The following HCRTR2 variants were observed in gnomAD, a reference collection of about 807,000 sequenced individuals.
HCRTR2 encodes the protein hypocretin receptor 2.
Under a neutral mutation model 49.0 loss-of-function variants are expected in HCRTR2, and 22 were observed. The ratio of observed to expected loss-of-function variants is 0.45; its 90% CI spans 0.32 to 0.64. The LOEUF (loss-of-function observed/expected upper bound fraction) is 0.64. HCRTR2 is among the 30% of genes least tolerant of loss of function. The probability of loss-of-function intolerance (pLI) is 0.04; values close to 1 mark genes in which losing one functional copy is unlikely to be tolerated. For synonymous variants in HCRTR2, 236 were observed against 205.3 expected (o/e 1.15, Z -1.28); for missense variants, 491 against 559.4 (o/e 0.88, Z 1.23).
intron 1 of HCRTR2, among the ~76,000 whole-genome samples, chr6:55,150,845 C>A (rs74750751): frequency 6.6e-6 from 1 of 151,858 alleles, no homozygotes; most frequent in Non-Finnish European, 1.5e-5. Context: ...TCCTTTGTCC[C>A]TGTACACTTT....
chr6:55,157,862 A>G (rs1764751269), intron 1 of HCRTR2, among the ~76,000 whole-genome samples: 2 of 152,236 alleles, frequency 1.3e-5, no homozygotes, highest in African/African-American at 4.8e-5. Context: ...CTTAGATTAT[A>G]ACACTCAAGT....
intron 1 of HCRTR2, among the ~76,000 whole-genome samples, chr6:55,214,335 C>T (rs1298598983): frequency 6.6e-6 from 1 of 151,988 alleles, no homozygotes; most frequent in Non-Finnish European, 1.5e-5. Context: ...GTTTGTTTTA[C>T]ATTTTTATTT....
chr6:55,279,120 A>T (rs1767137329), intron 5 of HCRTR2, among the ~76,000 whole-genome samples: 1 of 152,026 alleles, frequency 6.6e-6, no homozygotes, highest in Admixed American at 6.6e-5. Context: ...GTTTTGGGGC[A>T]TTCTACTCTT....
At chr6:55,161,421 G>C (rs1764803873) in intron 1 of HCRTR2, among the ~76,000 whole-genome samples, 1 of 151,858 alleles carries the variant, frequency 6.6e-6, no homozygotes, top group African/African-American at 2.4e-5. Flanking sequence ...ACAATGAAAA[G>C]AACTAGAGAA....
intron 1 of HCRTR2, among the ~76,000 whole-genome samples, chr6:55,158,705 G>A (rs898228679): frequency 6.6e-6 from 1 of 152,218 alleles, no homozygotes; most frequent in African/African-American, 2.4e-5. Flanking sequence ...TAAAGTAGGT[G>A]GAGCCCACGA....
intron 1 of HCRTR2, among the ~76,000 whole-genome samples, chr6:55,181,419 C>A (rs574125552): frequency 1.3e-5 from 2 of 152,010 alleles, no homozygotes; most frequent in Admixed American, 1.3e-4. Context: ...CTTTCATAAA[C>A]AAAAAACAAA....
intron 1 of HCRTR2, among the ~76,000 whole-genome samples, chr6:55,162,957 G>C (rs1012479988): frequency 6.6e-6 from 1 of 152,114 alleles, no homozygotes; most frequent in Non-Finnish European, 1.5e-5. Context: ...CACAGAATTA[G>C]TAAAAAACTG....
At chr6:55,174,898 C>G (rs762698067) in intron 1 of HCRTR2, 88 bp downstream of exon 1, 51 of 987,420 alleles carry the variant, frequency 5.2e-5, no homozygotes, top group Non-Finnish European at 8.0e-5. Flanking sequence ...CCCTCCCTCC[C>G]CCGGGAAGCA....
intron 1 of HCRTR2, among the ~76,000 whole-genome samples, chr6:55,154,687 A>C (rs13216066): frequency 0.17 from 24,277 of 146,914 alleles, 2,412 homozygotes; most frequent in Non-Finnish European, 0.23. Context: ...AAAATAAATA[A>C]ATAAATAAAT....
At chr6:55,280,516 CTA>C in intron 6 of HCRTR2, 72 bp downstream of exon 6, 2 of 1,592,674 alleles carry the variant, frequency 1.3e-6, no homozygotes, top group Non-Finnish European at 1.7e-6. Flanking sequence ...CACTCTTCAA[CTA>C]TATGAGGAGT....
chr6:55,194,533 A>C (rs913841757), intron 1 of HCRTR2, among the ~76,000 whole-genome samples: 6 of 152,150 alleles, frequency 3.9e-5, no homozygotes, highest in African/African-American at 1.4e-4. Context: ...CAAATAATAA[A>C]ATATGTCTGA....
chr6:55,214,082 G>A (rs1365884799), intron 1 of HCRTR2, among the ~76,000 whole-genome samples: 2 of 152,160 alleles, frequency 1.3e-5, no homozygotes, highest in South Asian at 2.1e-4. Flanking sequence ...AGAGAGCTAG[G>A]CAACTTTCAG....
intron 1 of HCRTR2, among the ~76,000 whole-genome samples, chr6:55,133,704 T>TCTA (rs1273742074): frequency 1.0e-4 from 14 of 140,556 alleles, no homozygotes; most frequent in South Asian, 4.2e-4. Context: ...TATCTATCTA[T>TCTA]ATCTCCATCT....
At chr6:55,110,574 C>T (rs1277304681) in intron 1 of HCRTR2, among the ~76,000 whole-genome samples, 1 of 151,568 alleles carries the variant, frequency 6.6e-6, no homozygotes, top group Non-Finnish European at 1.5e-5. Flanking sequence ...GTAGGAGTAG[C>T]TATTCTTATA....
chr6:55,220,524 C>T (rs1489518689), intron 1 of HCRTR2, among the ~76,000 whole-genome samples: 2 of 152,020 alleles, frequency 1.3e-5, no homozygotes, highest in Non-Finnish European at 2.9e-5. Context: ...AATAAAAATA[C>T]TCAACAAACT....
At chr6:55,208,331 A>AT (rs1765640046) in intron 1 of HCRTR2, among the ~76,000 whole-genome samples, 1 of 149,004 alleles carries the variant, frequency 6.7e-6, no homozygotes, top group African/African-American at 2.5e-5. Context: ...AAAAAATAAA[A>AT]AAAAAAAAAA....
intron 1 of HCRTR2, among the ~76,000 whole-genome samples, chr6:55,126,227 G>GC (rs1376717858): frequency 2.6e-5 from 4 of 152,176 alleles, no homozygotes; most frequent in East Asian, 3.9e-4. Context: ...AGCCTTTTTT[G>GC]CACTGGTTTC....
chr6:55,270,659 G>A (rs1343853724), intron 4 of HCRTR2, among the ~76,000 whole-genome samples: 1 of 152,126 alleles, frequency 6.6e-6, no homozygotes, highest in African/African-American at 2.4e-5. Flanking sequence ...TATTAAAAAT[G>A]TTATATAAAT....
chr6:55,227,548 G>T (rs1316515195), intron 1 of HCRTR2, among the ~76,000 whole-genome samples: 1 of 152,166 alleles, frequency 6.6e-6, no homozygotes, highest in Non-Finnish European at 1.5e-5. Flanking sequence ...CTGCATTAAA[G>T]ATTATTCCTG....
Sources: gnomAD v4.1 joint callset for allele counts (sites outside exome capture counted in the v4.1 genomes callset) on GRCh38, gnomAD v4.1.1 for gene constraint, MANE v1.5 for transcripts, NCBI Gene and HGNC (gene_info 2026-07-23, HGNC 2026-07-21) for gene names.